Variants in CDH20 observed in about 807,000 individuals in gnomAD.
CDH20 encodes the protein cadherin-20.
Under a neutral mutation model 74.2 loss-of-function variants are expected in CDH20, and 29 were observed. That is an observed-to-expected ratio of 0.39 (90% CI 0.29 to 0.53). The LOEUF (loss-of-function observed/expected upper bound fraction) is 0.53, where lower values mean the gene tolerates loss of function less well. Among genes scored for constraint, CDH20 ranks in the 20% least tolerant of loss-of-function variants. The pLI is 0.69. For missense variants in CDH20, 988 were observed against 1,048.3 expected, an observed-to-expected ratio of 0.94 and a Z score of 0.79; for synonymous variants, 469 against 405.4, an observed-to-expected ratio of 1.16 and a Z score of -1.88.
intron 1 of CDH20, among the ~76,000 whole-genome samples, chr18:61,390,163 A>G (rs1911731310): frequency 6.7e-6 from 1 of 148,322 alleles, no homozygotes; most frequent in African/African-American, 2.5e-5. Context: ...GATCCTGCCC[A>G]TTCACCATGT....
intron 7 of CDH20, among the ~76,000 whole-genome samples, chr18:61,528,504 C>T (rs943005686): frequency 1.3e-5 from 2 of 148,686 alleles, no homozygotes; most frequent in Admixed American, 6.7e-5. Context: ...CAATCATGGT[C>T]CTGTTGACAT....
At chr18:61,507,868 T>A (rs1210040716) in intron 6 of CDH20, among the ~76,000 whole-genome samples, 1 of 152,190 alleles carries the variant, frequency 6.6e-6, no homozygotes, top group East Asian at 1.9e-4. Flanking sequence ...TTTCTAATGA[T>A]GTTAATGACT....
chr18:61,394,826 G>A (rs1911910848), intron 1 of CDH20, among the ~76,000 whole-genome samples: 1 of 151,844 alleles, frequency 6.6e-6, no homozygotes, highest in Non-Finnish European at 1.5e-5. Context: ...TCATCCTCAT[G>A]TAATCTCTGC....
At chr18:61,505,378 C>G (rs1399811936) in intron 5 of CDH20, among the ~76,000 whole-genome samples, 1 of 149,934 alleles carries the variant, frequency 6.7e-6, no homozygotes, top group African/African-American at 2.5e-5. Flanking sequence ...TGCTCTGTCA[C>G]CCAGGCTGGA....
chr18:61,551,339 T>G (rs1272294706), intron 11 of CDH20, among the ~76,000 whole-genome samples: 4 of 152,206 alleles, frequency 2.6e-5, no homozygotes, highest in Non-Finnish European at 5.9e-5. Flanking sequence ...GTCCGAGTTT[T>G]CTGAGGGAAA....
At chr18:61,467,444 C>T (rs1910000118) in intron 1 of CDH20, among the ~76,000 whole-genome samples, 1 of 152,092 alleles carries the variant, frequency 6.6e-6, no homozygotes, top group South Asian at 2.1e-4. Flanking sequence ...TCATTACTAA[C>T]AAGCTTCCAT....
intron 1 of CDH20, among the ~76,000 whole-genome samples, chr18:61,354,828 AG>A (rs933606732): frequency 6.6e-5 from 10 of 152,208 alleles, no homozygotes; most frequent in Admixed American, 4.6e-4. Context: ...ATTCTATTCT[AG>A]GTTTGAGCTA....
chr18:61,435,280 T>G (rs1184323212), intron 1 of CDH20, among the ~76,000 whole-genome samples: 1 of 152,126 alleles, frequency 6.6e-6, no homozygotes, highest in Non-Finnish European at 1.5e-5. Context: ...GGTACCACTA[T>G]ATACTACACA....
chr18:61,399,068 A>G (rs964204982), intron 1 of CDH20, among the ~76,000 whole-genome samples: 1 of 152,218 alleles, frequency 6.6e-6, no homozygotes, highest in Non-Finnish European at 1.5e-5. Flanking sequence ...TTTGAAGTTT[A>G]GTCAAGGCAT....
At chr18:61,432,547 T>C (rs1471729637) in intron 1 of CDH20, among the ~76,000 whole-genome samples, 2 of 152,236 alleles carry the variant, frequency 1.3e-5, no homozygotes, top group African/African-American at 2.4e-5. Context: ...ACTGCAATAC[T>C]AAACCTTCCA....
Position 61,413,724 on chromosome 18 carries a change from A to T in CDH20, c.-152-76678A>T, listed in dbSNP as rs566653900. ...TATTGGTGGAAATGTTAAAAAAAAA[A>T]AAATTGCAGGGAAATCCCTGCAATG... On this transcript the variant is annotated intron_variant, in intron 1 of 11. Coordinates refer to ENST00000262717, the MANE Select transcript of CDH20 (RefSeq NM_031891.4). Among the ~76,000 whole-genome samples, 5 of 152,234 alleles carry T rather than the reference A, an allele frequency of 3.3e-5. No homozygotes were observed. The East Asian group carries it at 5.8e-4, about 18-fold the overall frequency.
intron 6 of CDH20, among the ~76,000 whole-genome samples, chr18:61,512,562 TGTTTCACCAATGTTA>T (rs906764525): frequency 1.3e-5 from 2 of 152,230 alleles, no homozygotes; most frequent in Non-Finnish European, 2.9e-5. Flanking sequence ...TAGACAAATT[TGTTTCACCAATGTTA>T]GATTCACTCC....
At chr18:61,518,070 A>T (rs966615692) in intron 6 of CDH20, among the ~76,000 whole-genome samples, 3 of 152,106 alleles carry the variant, frequency 2.0e-5, no homozygotes, top group African/African-American at 7.2e-5. Context: ...GCCTCTCTAG[A>T]TTCCTCCTCT....
intron 1 of CDH20, among the ~76,000 whole-genome samples, chr18:61,480,351 G>A (rs1431589472): frequency 6.6e-6 from 1 of 152,224 alleles, no homozygotes; most frequent in Non-Finnish European, 1.5e-5. Context: ...ACTCATGCCT[G>A]TGACACAGCC....
intron 1 of CDH20, among the ~76,000 whole-genome samples, chr18:61,441,287 T>G (rs576747422): frequency 1.2e-4 from 19 of 152,336 alleles, no homozygotes; most frequent in Non-Finnish European, 2.4e-4. Flanking sequence ...AACTCCAATC[T>G]ACTCAGTGGT....
At chr18:61,527,366 AATAGATAG>A (rs10585438) in intron 6 of CDH20, among the ~76,000 whole-genome samples, 14,031 of 141,970 alleles carry the variant, frequency 0.099, 783 homozygotes, top group Non-Finnish European at 0.13. Context: ...TGAATATTCT[AATAGATAG>A]ATAGATAGAT....
Position 61,428,878 on chromosome 18 carries a change from T to C in CDH20, c.-152-61524T>C, listed in dbSNP as rs78850255. Among the ~76,000 whole-genome samples, 637 of 152,336 alleles carry C rather than the reference T, an allele frequency of 4.2e-3. 4 individuals carry two copies. The highest frequency in any genetic ancestry group is 6.3e-3 in the Non-Finnish European group (427 of 68,032). On this transcript the variant is annotated intron_variant, in intron 1 of 11. Coordinates refer to ENST00000262717, the MANE Select transcript of CDH20 (RefSeq NM_031891.4). ...CCACCAGCCCTCCAGCCATTCCTGA[T>C]ACAGGTTTACGCTAGAACACCTATT... is the stretch of plus-strand genomic sequence containing the variant.
At chr18:61,527,369 A>AGATAGATAGATAGATAGATAGATGATT (rs146948266) in intron 6 of CDH20, among the ~76,000 whole-genome samples, 53 of 92,986 alleles carry the variant, frequency 5.7e-4, no homozygotes, top group Non-Finnish European at 1.1e-3. Context: ...ATATTCTAAT[A>AGATAGATAGATAGATAGATAGATGATT]GATAGATAGA....
chr18:61,449,247 T>C (rs1461292718), intron 1 of CDH20, among the ~76,000 whole-genome samples: 1 of 152,152 alleles, frequency 6.6e-6, no homozygotes, highest in African/African-American at 2.4e-5. Flanking sequence ...GAATGCAGCC[T>C]TCCTGATAAG....
Sources: gnomAD v4.1 joint callset for allele counts (sites outside exome capture counted in the v4.1 genomes callset) on GRCh38, gnomAD v4.1.1 for gene constraint, MANE v1.5 for transcripts, NCBI Gene and HGNC (gene_info 2026-07-23, HGNC 2026-07-21) for gene names.